The following PPP2R2B variants were observed in gnomAD, a reference collection of about 807,000 sequenced individuals.
PPP2R2B encodes the protein protein phosphatase 2 regulatory subunit Bbeta.
In PPP2R2B, 5 loss-of-function variants were observed where a neutral mutation model predicts 46.0. That is an observed-to-expected ratio of 0.11 (90% CI 0.06 to 0.23). PPP2R2B has a LOEUF of 0.23. PPP2R2B is among the 10% of genes least tolerant of loss of function. The pLI is 1.00. For missense variants in PPP2R2B, 367 were observed against 575.0 expected, an observed-to-expected ratio of 0.64 and a Z score of 3.70; for synonymous variants, 215 against 206.7, an observed-to-expected ratio of 1.04 and a Z score of -0.34.
intron 2 of PPP2R2B, among the ~76,000 whole-genome samples, chr5:146,842,457 A>G (rs1759711800): frequency 6.7e-6 from 1 of 150,234 alleles, no homozygotes; most frequent in South Asian, 2.1e-4. Flanking sequence ...AAAAAGACAT[A>G]CTTCAAAAAA....
chr5:146,874,041 T>C (rs1761761904), intron 2 of PPP2R2B, among the ~76,000 whole-genome samples: 1 of 152,264 alleles, frequency 6.6e-6, no homozygotes. Context: ...AAATTCATCC[T>C]TTAGTTCTCA....
Position 146,754,669 on chromosome 5 carries a change from ATC to A in PPP2R2B, c.71-53529_71-53528del, listed in dbSNP as rs200474240. Among the ~76,000 whole-genome samples, 711 of 152,080 alleles carry A rather than the reference ATC, an allele frequency of 4.7e-3. 2 individuals are homozygous for A. The highest frequency in any genetic ancestry group is 0.016 in the African/African-American group (678 of 41,478). On this transcript the variant is annotated intron_variant, in intron 2 of 9. Transcript: ENST00000394411. Reference sequence around the variant, plus strand: ...AAAAGGTATTGTGGCTTCCTTCTTGATCTCTCTCTTTCATTCTTTTACTCTCC... The same window carrying A: ...AAAAGGTATTGTGGCTTCCTTCTTGATCTCTCTTTCATTCTTTTACTCTCC...
intron 1 of PPP2R2B, among the ~76,000 whole-genome samples, chr5:147,038,274 G>A (rs1022356553): frequency 9.9e-5 from 15 of 152,120 alleles, no homozygotes. Context: ...AACAAAATAA[G>A]TAAATGCGTA....
chr5:146,634,783 C>CA (rs1491142235), intron 7 of PPP2R2B, among the ~76,000 whole-genome samples: 8 of 151,092 alleles, frequency 5.3e-5, no homozygotes, highest in African/African-American at 1.5e-4. Context: ...CACACACACA[C>CA]CCCCTACTGG....
chr5:146,650,919 T>C (rs1194424783), intron 5 of PPP2R2B, among the ~76,000 whole-genome samples, 195 bp from the exon 6 acceptor site: 2 of 152,206 alleles, frequency 1.3e-5, no homozygotes, highest in Non-Finnish European at 2.9e-5. Context: ...TCAAAAGATA[T>C]CACCATCACT....
At chr5:147,006,606 A>C (rs182242586) in intron 1 of PPP2R2B, among the ~76,000 whole-genome samples, 2 of 151,974 alleles carry the variant, frequency 1.3e-5, no homozygotes, top group Non-Finnish European at 2.9e-5. Context: ...CTACTACCAC[A>C]CTCTCAGAGG....
chr5:146,706,386 C>A, intron 2 of PPP2R2B: 1 of 716,344 alleles, frequency 1.4e-6, no homozygotes, highest in Non-Finnish European at 2.4e-6. Flanking sequence ...GCCAAGCTCA[C>A]ACCACCTGCA....
intron 2 of PPP2R2B, among the ~76,000 whole-genome samples, chr5:146,802,822 C>T (rs1334097697): frequency 6.6e-6 from 1 of 152,056 alleles, no homozygotes; most frequent in Non-Finnish European, 1.5e-5. Context: ...TAACTTGTGC[C>T]CCAAGGCTCA....
At chr5:146,663,317 A>T (rs1482902221) in intron 5 of PPP2R2B, among the ~76,000 whole-genome samples, 1 of 152,206 alleles carries the variant, frequency 6.6e-6, no homozygotes, top group Non-Finnish European at 1.5e-5. Flanking sequence ...ATAACATTCT[A>T]TCCTGGAGAT....
chr5:146,652,640 G>T (rs770626695), intron 5 of PPP2R2B, among the ~76,000 whole-genome samples: 17 of 152,094 alleles, frequency 1.1e-4, no homozygotes, highest in Non-Finnish European at 2.5e-4. Context: ...GATGTGCAAA[G>T]GTCCCGTGAT....
chr5:146,869,619 A>G (rs1358486831), intron 2 of PPP2R2B, among the ~76,000 whole-genome samples: 1 of 152,230 alleles, frequency 6.6e-6, no homozygotes, highest in Non-Finnish European at 1.5e-5. Context: ...GAATAGAAAG[A>G]TGGCTCTGAG....
At chr5:146,857,646 T>C (rs1299665564) in intron 2 of PPP2R2B, among the ~76,000 whole-genome samples, 1 of 152,148 alleles carries the variant, frequency 6.6e-6, no homozygotes, top group African/African-American at 2.4e-5. Context: ...AAAACAACTG[T>C]CTTCTAACGG....
At chr5:146,864,964 C>T (rs1457404942) in intron 2 of PPP2R2B, among the ~76,000 whole-genome samples, 1 of 152,070 alleles carries the variant, frequency 6.6e-6, no homozygotes, top group East Asian at 1.9e-4. Context: ...GTAATTTAGT[C>T]CTATCATCTA....
intron 5 of PPP2R2B, among the ~76,000 whole-genome samples, chr5:146,685,113 A>C (rs1581869965): frequency 6.6e-6 from 1 of 152,200 alleles, no homozygotes; most frequent in East Asian, 1.9e-4. Context: ...TGAGATACAA[A>C]ATACATGGAA....
At chr5:146,990,040 C>G (rs540041724) in intron 1 of PPP2R2B, among the ~76,000 whole-genome samples, 1 of 63,202 alleles carries the variant, frequency 1.6e-5, no homozygotes, top group Non-Finnish European at 6.4e-5. Flanking sequence ...GGTGAAATAT[C>G]TCTACAATTA....
At chr5:146,712,353 C>A (rs886541368) in intron 2 of PPP2R2B, among the ~76,000 whole-genome samples, 14 of 152,162 alleles carry the variant, frequency 9.2e-5, no homozygotes, top group Admixed American at 7.8e-4. Context: ...GCACTGAATG[C>A]AATACTGTAC....
Position 146,878,619 on chromosome 5 carries a change from G to T in PPP2R2B, c.-153C>A. The T allele has an allele frequency of 8.0e-7, 1 of 1,244,948 alleles. No individual in the cohort carries two copies. Among genetic ancestry groups the T allele is most frequent in the South Asian group, 1.5e-5 (1 of 66,196 alleles). The allele number at this position is 1,244,948 out of a possible 1,614,324, so 77.1% of individuals were successfully genotyped here. On this transcript the variant is annotated 5_prime_UTR_variant, in exon 1 of 10. Transcript: ENST00000394411. This position sits in a 1 kb window ranked among gnomAD's most constrained non-coding sequence, Gnocchi z 4.5. ...GCCGGAATGAGGGTGCTGGTCCCAC[G>T]GGAGGGCGGCTCCGGCAGGCGGGGG...
rs148097153 is a variant in PPP2R2B, at chr5:146,718,736, A to G, written c.71-17594T>C. Among the ~76,000 whole-genome samples the G allele has an allele frequency of 3.4e-3, 516 of 152,340 alleles. 3 individuals are homozygous for G. Among genetic ancestry groups the G allele is most frequent in the African/African-American group, 0.012 (503 of 41,582 alleles). The stretch of plus-strand genomic sequence containing the variant: ...ATCGAACACCAGAGACTGGGTGGGA[A>G]GATCTTTATATGCCAAGAAGTCTGA... On this transcript the variant is annotated intron_variant, in intron 2 of 9. Coordinates refer to ENST00000394411, the MANE Select transcript of PPP2R2B (RefSeq NM_181675.4).
At chr5:146,879,053 G>A (rs958072366), upstream of PPP2R2B, 4 of 448,298 alleles carry the variant, frequency 8.9e-6, no homozygotes, top group Admixed American at 1.1e-4. Flanking sequence ...TTCTCCGGAC[G>A]CCTGAACTTG....
Sources: allele counts gnomAD v4.1 joint callset (sites outside exome capture counted in the v4.1 genomes callset), GRCh38; gene constraint gnomAD v4.1.1; non-coding constraint Gnocchi (gnomAD v3.1); transcripts MANE v1.5; gene names NCBI Gene and HGNC (gene_info 2026-07-23, HGNC 2026-07-21).